The following ZBBX variants were observed in gnomAD, a reference collection of about 807,000 sequenced individuals.
The protein encoded by ZBBX is zinc finger B-box domain-containing protein 1.
Under a neutral mutation model 108.5 loss-of-function variants are expected in ZBBX, and 101 were observed. The ratio of observed to expected loss-of-function variants is 0.93; its 90% CI spans 0.79 to 1.10. The LOEUF (loss-of-function observed/expected upper bound fraction) is 1.10. Among genes scored for constraint, ZBBX ranks in the 50% least tolerant of loss-of-function variants. The pLI, the probability that ZBBX is intolerant of heterozygous loss-of-function variation, is 0.00. For missense variants in ZBBX, 1,009 were observed against 941.4 expected (o/e 1.07, Z -0.94); for synonymous variants, 356 against 323.4 (o/e 1.10, Z -1.08).
rs150973422 is a variant in ZBBX, at chr3:167,401,162, T to C, written c.-446+6564A>G. ...AGTTATTTTAAACTAATATAGATAA[T>C]AATCTAAGATTGTATATCAGGGCCA... On this transcript the variant is annotated intron_variant, in intron 1 of 21. Transcript: ENST00000455345. Among the ~76,000 whole-genome samples, 714 of 152,294 alleles carry C rather than the reference T, an allele frequency of 4.7e-3. 4 individuals carry two copies. Among genetic ancestry groups the C allele is most frequent in the Middle Eastern group, 0.024 (7 of 294 alleles).
Position 167,330,869 on chromosome 3 carries a change from AGG to A in ZBBX, c.688-2755_688-2754del, listed in dbSNP as rs1491451916. On this transcript the variant is annotated intron_variant, in intron 10 of 21. Coordinates refer to ENST00000675490, the MANE Select transcript of ZBBX (RefSeq NM_001199201.2). ...GAGGAGGAGGAGGAGGAGGAGGAGG[AGG>A]AGAAGAAGAAGAAGAAGAAGAAGAA... Among the ~76,000 whole-genome samples the A allele has an allele frequency of 3.4e-3, 270 of 79,470 alleles. 9 individuals carry two copies. The highest frequency in any genetic ancestry group is 0.018 in the African/African-American group (266 of 14,582). 52.1% of individuals were successfully genotyped at this position (79,470 alleles called of 152,430 possible).
intron 1 of ZBBX, among the ~76,000 whole-genome samples, chr3:167,400,854 G>A (rs941534211): frequency 2.6e-5 from 4 of 152,042 alleles, no homozygotes; most frequent in Non-Finnish European, 5.9e-5. Flanking sequence ...ACAAATGGTT[G>A]CATTTTTTTG....
intron 8 of ZBBX, among the ~76,000 whole-genome samples, chr3:167,355,619 A>G (rs1743438524): frequency 6.6e-6 from 1 of 151,984 alleles, no homozygotes; most frequent in Admixed American, 6.6e-5. Flanking sequence ...AAATATATAT[A>G]TTCACTCATT....
chr3:167,180,055 T>C, the ZBBX span, among the ~76,000 whole-genome samples: 1 of 152,216 alleles, frequency 6.6e-6, no homozygotes, highest in Non-Finnish European at 1.5e-5. Context: ...AGTCAAAGTC[T>C]GTGAATTAGT....
intron 9 of ZBBX, among the ~76,000 whole-genome samples, chr3:167,335,287 A>T (rs1387143832): frequency 1.3e-5 from 2 of 152,196 alleles, no homozygotes; most frequent in African/African-American, 4.8e-5. Context: ...AATTAAAATA[A>T]GTAATTTAGA....
In ZBBX at chr3:167,317,066, G is replaced by C. The variant is rs1735587035; in HGVS notation, c.1133C>G (p.Pro378Arg). ...TKVQHTALLL[P>R]VETLNIERPE... is the part of the protein sequence containing the mutation. ...TCTCTCTATGTTTAATGTTTCTACT[G>C]GCAATAAAAGAGCTGTGTGTTGTAC... Residue 378 changes from proline to arginine, a missense_variant, in exon 14 of 22, where the codon CCA becomes CGA. Transcript: ENST00000675490. The C allele has an allele frequency of 6.2e-7, 1 of 1,610,636 alleles. No homozygotes were observed. Among genetic ancestry groups the C allele is most frequent in the Admixed American group, 1.7e-5 (1 of 59,688 alleles).
chr3:167,345,844 A>G (rs1445090356), intron 9 of ZBBX, among the ~76,000 whole-genome samples: 1 of 151,946 alleles, frequency 6.6e-6, no homozygotes, highest in Non-Finnish European at 1.5e-5. Flanking sequence ...CCAAAACTGC[A>G]TGGAAATTCT....
chr3:167,302,693 CA>C (rs1396961815), intron 17 of ZBBX, among the ~76,000 whole-genome samples: 4 of 152,168 alleles, frequency 2.6e-5, no homozygotes, highest in Non-Finnish European at 5.9e-5. Context: ...TGGACGAAGA[CA>C]CAAGACTCCT....
At chr3:167,290,782 C>T (rs1450323221) in intron 18 of ZBBX, among the ~76,000 whole-genome samples, 1 of 152,100 alleles carries the variant, frequency 6.6e-6, no homozygotes, top group Admixed American at 6.6e-5. Context: ...CAAGTTCTAA[C>T]CCAATGCAAG....
the ZBBX span, among the ~76,000 whole-genome samples, chr3:167,232,550 C>T: frequency 2.6e-5 from 4 of 151,758 alleles, no homozygotes; most frequent in African/African-American, 9.7e-5. Context: ...CTTGAGTTCC[C>T]ATCAGAATCA....
the ZBBX span, among the ~76,000 whole-genome samples, chr3:167,220,142 AT>A: frequency 6.6e-6 from 1 of 152,026 alleles, no homozygotes; most frequent in Admixed American, 6.6e-5. Flanking sequence ...TCACTGCTGA[AT>A]TTTACCAAAC....
chr3:167,193,284 G>C, the ZBBX span, among the ~76,000 whole-genome samples: 1 of 152,136 alleles, frequency 6.6e-6, no homozygotes, highest in Non-Finnish European at 1.5e-5. Flanking sequence ...GTTCCAAAGG[G>C]GCTAACCTGG....
chr3:167,187,057 T>C, the ZBBX span, among the ~76,000 whole-genome samples: 3 of 152,180 alleles, frequency 2.0e-5, no homozygotes, highest in Non-Finnish European at 4.4e-5. Context: ...TGACCATTTA[T>C]TTTGCAGAGT....
chr3:167,334,614 A>C (rs1197042670), intron 9 of ZBBX, among the ~76,000 whole-genome samples: 1 of 152,040 alleles, frequency 6.6e-6, no homozygotes, highest in Non-Finnish European at 1.5e-5. Flanking sequence ...AAGCTCGGAG[A>C]GTTTAAACAA....
the ZBBX span, among the ~76,000 whole-genome samples, chr3:167,184,898 C>T: frequency 3.9e-5 from 6 of 152,122 alleles, no homozygotes; most frequent in African/African-American, 1.4e-4. Flanking sequence ...TCAGTATCAT[C>T]AACATTATTG....
At chr3:167,190,344 A>G in the ZBBX span, among the ~76,000 whole-genome samples, 2 of 151,740 alleles carry the variant, frequency 1.3e-5, no homozygotes, top group South Asian at 2.1e-4. Context: ...TATAAAATAC[A>G]TAACATTTCT....
intron 20 of ZBBX, among the ~76,000 whole-genome samples, chr3:167,273,371 A>G (rs375823618): frequency 4.6e-5 from 7 of 152,140 alleles, no homozygotes; most frequent in African/African-American, 1.7e-4. Context: ...TCAACTGGGC[A>G]TGGGCTGCAT....
chr3:167,365,772 A>G, intron 6 of ZBBX, 114 bp downstream of exon 6: 1 of 517,460 alleles, frequency 1.9e-6, no homozygotes, highest in Non-Finnish European at 3.2e-6. Context: ...AATAATATGC[A>G]AAGTTGTTAA....
chr3:167,217,011 T>TA, the ZBBX span, among the ~76,000 whole-genome samples: 1 of 152,056 alleles, frequency 6.6e-6, no homozygotes, highest in Admixed American at 6.6e-5. Flanking sequence ...TCAAAACCTA[T>TA]AAAAATCCTA....
Sources: allele counts gnomAD v4.1 joint callset (sites outside exome capture counted in the v4.1 genomes callset), GRCh38; gene constraint gnomAD v4.1.1; transcripts MANE v1.5; gene names NCBI Gene and HGNC (gene_info 2026-07-23, HGNC 2026-07-21).